Variants in SLC15A1 observed in about 807,000 individuals in gnomAD.
The protein encoded by SLC15A1 is Caco-2 oligopeptide transporter.
Under a neutral mutation model 92.9 loss-of-function variants are expected in SLC15A1, and 83 were observed. The observed-to-expected ratio is 0.89, with a 90% CI of 0.75 to 1.07. The LOEUF is 1.07. Among genes scored for constraint, SLC15A1 ranks in the 50% least tolerant of loss-of-function variants. The probability of loss-of-function intolerance (pLI) is 0.00; values close to 1 mark genes in which losing one functional copy is unlikely to be tolerated. For synonymous variants in SLC15A1, 322 were observed against 318.2 expected, an observed-to-expected ratio of 1.01 and a Z score of -0.13; for missense variants, 857 against 880.1, an observed-to-expected ratio of 0.97 and a Z score of 0.33.
chr13:98,717,897 G>A (rs1159910404), intron 8 of SLC15A1, among the ~76,000 whole-genome samples: 1 of 152,108 alleles, frequency 6.6e-6, no homozygotes, highest in Non-Finnish European at 1.5e-5. Flanking sequence ...TTTTTGCACC[G>A]TTCTTGGCCA....
In SLC15A1 at chr13:98,689,305, C is replaced by A. The variant is rs572829497; in HGVS notation, c.1467-728G>T. On this transcript the variant is annotated intron_variant, in intron 18 of 22. Transcript: ENST00000376503. ...TGCTGCCCAGTTCCTAAAAGATAGACCCCAGTTCCTAAACGACACCCCCTT... is the reference window on the plus strand; with the variant it reads ...TGCTGCCCAGTTCCTAAAAGATAGAACCCAGTTCCTAAACGACACCCCCTT... 3.3e-5 allele frequency among the ~76,000 whole-genome samples: 5 copies of A among 152,260 alleles called. No homozygotes were observed. In the South Asian group the frequency reaches 1.0e-3, roughly 32 times the overall value.
rs747833343 is a variant in SLC15A1 at position 98,688,506 on chromosome 13, T to G, written c.1538A>C (p.Tyr513Ser). The G allele has an allele frequency of 3.7e-6, 6 of 1,614,122 alleles. No homozygotes were observed. Among genetic ancestry groups the G allele is most frequent in the East Asian group, 2.2e-5 (1 of 44,856 alleles). The change falls in exon 19 of 23, where the codon TAC becomes TCC. Residue 513 changes from tyrosine (Y) to serine (S), a missense_variant. Coordinates refer to ENST00000376503, the MANE Select transcript of SLC15A1 (RefSeq NM_005073.4). ...AAAAAACTGGTATGTGCTGGCATTG[T>G]AGCTGCTGATGTTTGCATAAACTTT... ...SGKVYANISS[Y>S]NASTYQFFPS... is the part of the protein sequence containing the mutation.
In SLC15A1 at chr13:98,683,904, G is replaced by A. The variant is rs2087908005; in HGVS notation, c.*820C>T. 1 of 152,070 alleles carries A rather than the reference G, an allele frequency of 6.6e-6. No individual in the cohort carries two copies. Among genetic ancestry groups the A allele is most frequent in the African/African-American group, 2.4e-5 (1 of 41,408 alleles). 9.4% of individuals were successfully genotyped at this position (152,070 alleles called of 1,614,324 possible). A position where few individuals can be genotyped will look rare whatever the true frequency, so the allele number is the denominator to read the frequency against. The stretch of plus-strand genomic sequence containing the variant: ...TTATCCATAATTTAAACACAGGTAG[G>A]GACTAGAAAAACAAAATAACAAAAA... On this transcript the variant is annotated 3_prime_UTR_variant, in exon 23 of 23. Coordinates refer to ENST00000376503, the MANE Select transcript of SLC15A1 (RefSeq NM_005073.4).
chr13:98,719,953 T>A (rs1241085239), intron 7 of SLC15A1, among the ~76,000 whole-genome samples: 1 of 151,652 alleles, frequency 6.6e-6, no homozygotes, highest in Non-Finnish European at 1.5e-5. Flanking sequence ...CCAGGATTTA[T>A]ATATATATTT....
intron 1 of SLC15A1, among the ~76,000 whole-genome samples, chr13:98,740,293 C>T (rs566604879): frequency 1.2e-4 from 19 of 152,180 alleles, no homozygotes; most frequent in Non-Finnish European, 2.5e-4. Context: ...CAGGGTCACC[C>T]GCTGTGCTCC....
intron 1 of SLC15A1, among the ~76,000 whole-genome samples, chr13:98,744,354 T>A (rs1031352652): frequency 8.8e-4 from 134 of 151,560 alleles, no homozygotes; most frequent in African/African-American, 3.0e-3. Flanking sequence ...TTTTTTTTTT[T>A]AATGGTAAAT....
intron 1 of SLC15A1, among the ~76,000 whole-genome samples, chr13:98,751,244 G>T (rs1367203277): frequency 1.3e-5 from 2 of 152,128 alleles, no homozygotes; most frequent in South Asian, 4.1e-4. Flanking sequence ...TGCAAACAGA[G>T]AGGACCAGTT....
At chr13:98,685,577 T>C (rs1392660199) in intron 22 of SLC15A1, among the ~76,000 whole-genome samples, 1 of 152,236 alleles carries the variant, frequency 6.6e-6, no homozygotes, top group African/African-American at 2.4e-5. Context: ...CTAAGCTGCA[T>C]TCACTGAAGC....
At chr13:98,748,562 TGAGATTACAGGC>T (rs1183186878) in intron 1 of SLC15A1, among the ~76,000 whole-genome samples, 1 of 152,172 alleles carries the variant, frequency 6.6e-6, no homozygotes, top group Admixed American at 6.5e-5. Context: ...CTCCAAACGC[TGAGATTACAGGC>T]GTAAGCCGCA....
chr13:98,748,437 C>T (rs1222973680), intron 1 of SLC15A1, among the ~76,000 whole-genome samples: 2 of 152,100 alleles, frequency 1.3e-5, no homozygotes, highest in Non-Finnish European at 2.9e-5. Flanking sequence ...ACTAGAGGTG[C>T]GCACCGCCAT....
chr13:98,743,016 C>T (rs1211178296), intron 1 of SLC15A1, among the ~76,000 whole-genome samples: 4 of 152,152 alleles, frequency 2.6e-5, no homozygotes, highest in Non-Finnish European at 5.9e-5. Flanking sequence ...TCAAGTGATC[C>T]TCCCACCTGG....
chr13:98,708,835 C>T (rs909048377), intron 14 of SLC15A1, 68 bp from the exon 15 acceptor site: 14 of 1,135,362 alleles, frequency 1.2e-5, no homozygotes, highest in Non-Finnish European at 1.7e-5. Context: ...AACCCCCACC[C>T]CCACCATCCC....
rs34078820 is a variant in SLC15A1 at position 98,701,667 on chromosome 13, A to ATT, written c.1466+811_1466+812dup. 7.3e-3 allele frequency among the ~76,000 whole-genome samples: 848 copies of ATT among 115,524 alleles called. 12 individuals carry two copies. The highest frequency in any genetic ancestry group is 0.013 in the African/African-American group (383 of 29,794). 75.8% of individuals were successfully genotyped at this position (115,524 alleles called of 152,430 possible). A position where few individuals can be genotyped will look rare whatever the true frequency, so the allele number is the denominator to read the frequency against. On this transcript the variant is annotated intron_variant, in intron 18 of 22. Coordinates refer to ENST00000376503, the MANE Select transcript of SLC15A1 (RefSeq NM_005073.4). Reference sequence around the variant, plus strand: ...AGGCACACACCACCATACTCAGCTAATTTTTTTTTTTTTTTTTTTTTGAGA... The same window carrying ATT: ...AGGCACACACCACCATACTCAGCTAATTTTTTTTTTTTTTTTTTTTTTTGAGA...
intron 1 of SLC15A1, among the ~76,000 whole-genome samples, chr13:98,737,103 T>A (rs2088401042): frequency 6.6e-6 from 1 of 152,128 alleles, no homozygotes; most frequent in South Asian, 2.1e-4. Context: ...CAAATGTCCA[T>A]CAATGATAGA....
intron 17 of SLC15A1, among the ~76,000 whole-genome samples, chr13:98,703,991 A>G (rs1336606697): frequency 6.6e-6 from 1 of 152,154 alleles, no homozygotes; most frequent in Non-Finnish European, 1.5e-5. Flanking sequence ...GAATTCACAT[A>G]TGTACTCTGT....
Position 98,683,881 on chromosome 13 carries a change from AT to A in SLC15A1, c.*842del, listed in dbSNP as rs1217696564. On this transcript the variant is annotated 3_prime_UTR_variant, in exon 23 of 23. Coordinates refer to ENST00000376503, the MANE Select transcript of SLC15A1 (RefSeq NM_005073.4). ...CTTCACCTGAGCTGTCTTTCGAGTT[AT>A]CCATAATTTAAACACAGGTAGGGAC... 6.6e-6 allele frequency: 1 copy of A among 152,252 alleles called. No individual in the cohort carries two copies. Among genetic ancestry groups the A allele is most frequent in the Non-Finnish European group, 1.5e-5 (1 of 68,042 alleles). The allele number at this position is 152,252 out of a possible 1,614,324, so 9.4% of individuals were successfully genotyped here.
chr13:98,687,854 C>A, intron 20 of SLC15A1, 130 bp from the exon 21 acceptor site: 1 of 1,066,390 alleles, frequency 9.4e-7, no homozygotes. Flanking sequence ...ACATTTTAAA[C>A]ATAAGGCAAC....
chr13:98,698,117 C>T (rs1004046139), intron 18 of SLC15A1, among the ~76,000 whole-genome samples: 6 of 152,090 alleles, frequency 3.9e-5, no homozygotes, highest in Non-Finnish European at 8.8e-5. Context: ...AGATGGGCAC[C>T]GCTGAGCAAT....
rs528865683 is a variant in SLC15A1 at position 98,692,136 on chromosome 13, C to CTTTTTT, written c.1467-3565_1467-3560dup. ...AGGAGTCCCCCTCTCTTCTCCTAAA[C>CTTTTTT]TTTTTTTTTTTTTTTTTTTTTTTTT... On this transcript the variant is annotated intron_variant, in intron 18 of 22. Coordinates refer to ENST00000376503, the MANE Select transcript of SLC15A1 (RefSeq NM_005073.4). Among the ~76,000 whole-genome samples the CTTTTTT allele has an allele frequency of 6.5e-4, 44 of 67,640 alleles. 2 individuals carry two copies. The highest frequency in any genetic ancestry group is 1.7e-3 in the African/African-American group (40 of 23,006). The allele number at this position is 67,640 out of a possible 152,430, so 44.4% of individuals were successfully genotyped here. A position where few individuals can be genotyped will look rare whatever the true frequency, so the allele number is the denominator to read the frequency against.
Sources: gnomAD v4.1 joint callset for allele counts (sites outside exome capture counted in the v4.1 genomes callset) on GRCh38, gnomAD v4.1.1 for gene constraint, MANE v1.5 for transcripts, NCBI Gene and HGNC (gene_info 2026-07-23, HGNC 2026-07-21) for gene names.